PCSK6: variants seen among roughly 807,000 people sequenced by gnomAD.
PCSK6 encodes paired basic amino acid cleaving enzyme 4.
A neutral mutation model predicts 123.3 loss-of-function variants in PCSK6; 85 were observed. The observed-to-expected ratio is 0.69, with a 90% CI of 0.58 to 0.83. The LOEUF is 0.83. Ranked by LOEUF, PCSK6 falls within the 40% of genes least tolerant of loss-of-function variation. The pLI, the probability that PCSK6 is intolerant of heterozygous loss-of-function variation, is 0.00. For missense variants in PCSK6, 1,191 were observed against 1,282.3 expected, an observed-to-expected ratio of 0.93 and a Z score of 1.09; for synonymous variants, 508 against 516.0, an observed-to-expected ratio of 0.98 and a Z score of 0.21.
chr15:101,417,866 A>AT (rs1001410743), intron 6 of PCSK6, among the ~76,000 whole-genome samples: 6 of 144,276 alleles, frequency 4.2e-5, no homozygotes, highest in East Asian at 2.2e-4. Context: ...TACGTACACT[A>AT]TTTTTTATAA....
At chr15:101,446,624 C>T (rs1449072806) in intron 1 of PCSK6, among the ~76,000 whole-genome samples, 2 of 152,198 alleles carry the variant, frequency 1.3e-5, no homozygotes, top group Non-Finnish European at 2.9e-5. Context: ...ACCCTAGAGC[C>T]CACGAGGATC....
At chr15:101,390,336 G>A (rs1422500922) in intron 8 of PCSK6, among the ~76,000 whole-genome samples, 3 of 129,708 alleles carry the variant, frequency 2.3e-5, no homozygotes, top group Admixed American at 1.6e-4. Context: ...GGGTTCAGGT[G>A]TGCTAGGTGG....
chr15:101,470,690 G>A (rs879248709), intron 1 of PCSK6, among the ~76,000 whole-genome samples: 2 of 152,018 alleles, frequency 1.3e-5, no homozygotes, highest in Non-Finnish European at 2.9e-5. Flanking sequence ...CTTCTCCAAC[G>A]TGCCCTAAAT....
intron 7 of PCSK6, among the ~76,000 whole-genome samples, chr15:101,397,204 G>A (rs1257669594): frequency 6.6e-6 from 1 of 152,088 alleles, no homozygotes; most frequent in Non-Finnish European, 1.5e-5. Flanking sequence ...ATTAACAGAT[G>A]GTGACCAAAC....
At chr15:101,414,754 AGATGGATG>A (rs199903117) in intron 6 of PCSK6, among the ~76,000 whole-genome samples, 2 of 152,030 alleles carry the variant, frequency 1.3e-5, no homozygotes, top group African/African-American at 2.4e-5. Flanking sequence ...ATGGACGGAC[AGATGGATG>A]GATGGATGGA....
At chr15:101,434,270 G>T (rs2056532829) in intron 2 of PCSK6, among the ~76,000 whole-genome samples, 1 of 152,200 alleles carries the variant, frequency 6.6e-6, no homozygotes, top group African/African-American at 2.4e-5. Context: ...CCGCCCTCCT[G>T]CCAGGCTGAG....
chr15:101,485,099 T>C (rs941408571), intron 1 of PCSK6, among the ~76,000 whole-genome samples: 3 of 152,218 alleles, frequency 2.0e-5, no homozygotes, highest in Admixed American at 2.0e-4. Context: ...CACGTGATGC[T>C]AACACTCTTC....
At chr15:101,375,962 A>T (rs956719457) in intron 11 of PCSK6, among the ~76,000 whole-genome samples, 2 of 152,188 alleles carry the variant, frequency 1.3e-5, no homozygotes, top group Admixed American at 1.3e-4. Flanking sequence ...TGAACCTGGG[A>T]GGTGGAGGTT....
At chr15:101,306,269 G>A (rs1374712269) in intron 21 of PCSK6, among the ~76,000 whole-genome samples, 5 of 152,114 alleles carry the variant, frequency 3.3e-5, no homozygotes, top group Non-Finnish European at 5.9e-5. Flanking sequence ...TTTTGGGCTA[G>A]ATACATAACC....
At chr15:101,325,363 G>A (rs1258294723) in intron 16 of PCSK6, among the ~76,000 whole-genome samples, 2 of 152,184 alleles carry the variant, frequency 1.3e-5, no homozygotes, top group South Asian at 2.1e-4. Context: ...ACCCTCTCTC[G>A]GGCGCCCTCA....
intron 12 of PCSK6, among the ~76,000 whole-genome samples, chr15:101,367,688 G>T (rs1346479152): frequency 1.3e-5 from 2 of 152,244 alleles, no homozygotes; most frequent in African/African-American, 4.8e-5. Context: ...GCTAAATTAA[G>T]TAAGATGTGC....
chr15:101,433,315 A>G (rs949055331), intron 2 of PCSK6, among the ~76,000 whole-genome samples: 3 of 152,226 alleles, frequency 2.0e-5, no homozygotes, highest in African/African-American at 7.2e-5. Flanking sequence ...CCGTGTACAC[A>G]TTCTTTTCAA....
At chr15:101,483,099 G>C (rs1476306083) in intron 1 of PCSK6, among the ~76,000 whole-genome samples, 3 of 152,210 alleles carry the variant, frequency 2.0e-5, no homozygotes, top group South Asian at 2.1e-4. Context: ...GCCGCGCACA[G>C]CCAGTCCAGC....
intron 2 of PCSK6, among the ~76,000 whole-genome samples, chr15:101,432,858 G>C (rs141758543): frequency 6.6e-6 from 1 of 152,318 alleles, no homozygotes; most frequent in South Asian, 2.1e-4. Flanking sequence ...AATATGGTAA[G>C]CCATATATTG....
intron 1 of PCSK6, among the ~76,000 whole-genome samples, chr15:101,449,786 G>T (rs2056986022): frequency 6.6e-6 from 1 of 152,112 alleles, no homozygotes; most frequent in South Asian, 2.1e-4. Flanking sequence ...GAGAAGACAG[G>T]CCCAGAAGGC....
intron 12 of PCSK6, 148 bp from the exon 13 acceptor site, chr15:101,366,480 G>A (rs909105797): frequency 1.1e-5 from 7 of 641,922 alleles, no homozygotes; most frequent in African/African-American, 3.7e-5. Flanking sequence ...CAGCCAACCC[G>A]AGGGCAAAGG....
At chr15:101,334,673 T>C (rs1354664389) in intron 13 of PCSK6, among the ~76,000 whole-genome samples, 3 of 152,130 alleles carry the variant, frequency 2.0e-5, no homozygotes, top group Non-Finnish European at 2.9e-5. Flanking sequence ...AGGCTATCAT[T>C]TGAGTTGAAG....
chr15:101,397,869 C>A (rs1382062650), intron 7 of PCSK6, among the ~76,000 whole-genome samples: 1 of 152,238 alleles, frequency 6.6e-6, no homozygotes. Context: ...CTTTGCCCTG[C>A]TTAGCCCCTT....
rs1040127769 is a variant in PCSK6, at chr15:101,307,123, C to G, written c.2812+90G>C. 7.9e-6 allele frequency: 7 copies of G among 886,618 alleles called. No individual in the cohort carries two copies. The African/African-American group carries it at 1.2e-4, about 15-fold the overall frequency. The allele number at this position is 886,618 out of a possible 1,614,324, so 54.9% of individuals were successfully genotyped here. A position where few individuals can be genotyped will look rare whatever the true frequency, so the allele number is the denominator to read the frequency against. On this transcript the variant is annotated intron_variant, in intron 21 of 21. Coordinates refer to ENST00000611716, the MANE Select transcript of PCSK6 (RefSeq NM_002570.5). ...AACGCCTGTCTGTGGAGCCGCCATG[C>G]CTATGTGGCTTTGCTTTTCTCTTTG...
Sources: allele counts gnomAD v4.1 joint callset (sites outside exome capture counted in the v4.1 genomes callset), GRCh38; gene constraint gnomAD v4.1.1; transcripts MANE v1.5; gene names NCBI Gene and HGNC (gene_info 2026-07-23, HGNC 2026-07-21).